DENR: variants seen among roughly 807,000 people sequenced by gnomAD.
The protein encoded by DENR is density regulated re-initiation and release factor, also known as density-regulated protein.
Under a neutral mutation model 30.6 loss-of-function variants are expected in DENR, and 6 were observed. That is an observed-to-expected ratio of 0.20 (90% CI 0.11 to 0.39). DENR has a LOEUF of 0.39. Ranked by LOEUF, DENR falls within the 10% of genes least tolerant of loss-of-function variation. DENR has a pLI of 1.00. For synonymous variants in DENR, 78 were observed against 72.1 expected (o/e 1.08, Z -0.41); for missense variants, 141 against 230.9 (o/e 0.61, Z 2.52).
At position 122,770,505 on chromosome 12, in the gene DENR, C is replaced by T; in HGVS notation, c.*1427C>T. 2.5e-6 allele frequency: 1 copy of T among 397,192 alleles called. No individual in the cohort carries two copies. The highest frequency in any genetic ancestry group is 4.4e-6 in the Non-Finnish European group (1 of 225,692). The allele number at this position is 397,192 out of a possible 1,614,324, so 24.6% of individuals were successfully genotyped here. On this transcript the variant is annotated 3_prime_UTR_variant, in exon 8 of 8. Transcript: ENST00000280557. Reference sequence around the variant, plus strand: ...TATAAATTATGTGAGTAAAATTGTGCTAACCAGTTAAAAGTACTGTACACC... The same window carrying T: ...TATAAATTATGTGAGTAAAATTGTGTTAACCAGTTAAAAGTACTGTACACC...
In DENR at chr12:122,769,026, T is replaced by C; in HGVS notation, c.553-8T>C. 1 of 1,609,666 alleles carries C rather than the reference T, an allele frequency of 6.2e-7. No homozygotes were observed. Among genetic ancestry groups the C allele is most frequent in the South Asian group, 1.1e-5 (1 of 89,726 alleles). ...AACTCATGAGATATAATTATTTGTG[T>C]TTTATAGGTAGATGATGACAGCATC... is the stretch of plus-strand genomic sequence containing the variant. On this transcript the variant is annotated splice_polypyrimidine_tract_variant and splice_region_variant and intron_variant, in intron 7 of 7. Transcript: ENST00000280557.
At chr12:122,767,202 G>T (rs911536747) in intron 5 of DENR, among the ~76,000 whole-genome samples, 3 of 152,116 alleles carry the variant, frequency 2.0e-5, no homozygotes, top group Non-Finnish European at 4.4e-5. Flanking sequence ...TCCTATTATT[G>T]TATGTATCAG....
intron 2 of DENR, among the ~76,000 whole-genome samples, chr12:122,761,403 C>G (rs1878695716): frequency 6.6e-6 from 1 of 151,608 alleles, no homozygotes; most frequent in Admixed American, 6.6e-5. Context: ...AAGAGCAAGA[C>G]TCTGTCTCAG....
At chr12:122,763,803 T>C (rs1264735731) in intron 4 of DENR, among the ~76,000 whole-genome samples, 4 of 152,264 alleles carry the variant, frequency 2.6e-5, no homozygotes, top group Non-Finnish European at 4.4e-5. Flanking sequence ...ATTCTGAGGA[T>C]AAGCCAATAA....
Position 122,768,786 on chromosome 12 carries a change from T to C in DENR, c.417T>C (p.Ile139=), listed in dbSNP as rs571873679. Residue 139 remains isoleucine (I), a synonymous_variant, in exon 7 of 8, where the codon ATT becomes ATC. Transcript: ENST00000280557. ...TRVCGLATFE[I]DLKEAQRFFA... is the part of the protein sequence containing the mutation. The stretch of plus-strand genomic sequence containing the variant: ...TTTCTTTTTTTAAAAAAATAGAAAT[T>C]GATCTTAAAGAAGCACAAAGATTTT... 11 of 1,553,760 alleles carry C rather than the reference T, an allele frequency of 7.1e-6. No individual in the cohort carries two copies. The highest frequency in any genetic ancestry group is 2.2e-4 in the Middle Eastern group (1 of 4,644).
chr12:122,756,381 G>A (rs924804355), intron 2 of DENR, among the ~76,000 whole-genome samples: 3 of 152,156 alleles, frequency 2.0e-5, no homozygotes, highest in Admixed American at 6.6e-5. Flanking sequence ...CCTGGGAGGC[G>A]GAGATTGCAG....
chr12:122,770,935 A>G lies in DENR; in HGVS notation c.*1857A>G, dbSNP rs932921052. 1.8e-5 allele frequency: 7 copies of G among 391,220 alleles called. No homozygotes were observed. The East Asian group carries it at 2.2e-4, about 12-fold the overall frequency. 24.2% of individuals were successfully genotyped at this position (391,220 alleles called of 1,614,324 possible). On this transcript the variant is annotated 3_prime_UTR_variant, in exon 8 of 8. Coordinates refer to ENST00000280557, the MANE Select transcript of DENR (RefSeq NM_003677.5). Reference sequence around the variant, plus strand: ...TGCTGAAAGATGTCTGTGTGCCTGTATCAACATGTGACTTCATGTAAAGTT... The same window carrying G: ...TGCTGAAAGATGTCTGTGTGCCTGTGTCAACATGTGACTTCATGTAAAGTT...
At chr12:122,765,121 C>T (rs1878812915) in intron 4 of DENR, among the ~76,000 whole-genome samples, 183 bp from the exon 5 acceptor site, 1 of 152,196 alleles carries the variant, frequency 6.6e-6, no homozygotes, top group South Asian at 2.1e-4. Context: ...CATACACTTA[C>T]TATAATGACT....
At chr12:122,760,894 ATCTT>A (rs1878681172) in intron 2 of DENR, among the ~76,000 whole-genome samples, 1 of 152,210 alleles carries the variant, frequency 6.6e-6, no homozygotes, top group African/African-American at 2.4e-5. Flanking sequence ...CACTTTCATG[ATCTT>A]ATGTAGCATA....
chr12:122,767,014 T>C (rs1024613421), intron 5 of DENR, among the ~76,000 whole-genome samples: 2 of 152,198 alleles, frequency 1.3e-5, no homozygotes, highest in Admixed American at 1.3e-4. Flanking sequence ...TCTGTACTTG[T>C]TCCCTTTCCC....
chr12:122,769,644 T>C lies in DENR; in HGVS notation c.*566T>C, dbSNP rs560433077. On this transcript the variant is annotated 3_prime_UTR_variant, in exon 8 of 8. Coordinates refer to ENST00000280557, the MANE Select transcript of DENR (RefSeq NM_003677.5). Reference sequence around the variant, plus strand: ...GCCTCAGCCTCCCAAGTAGGTGGGATTACAGGCGCCCGCCACCACGCCCAG... The same window carrying C: ...GCCTCAGCCTCCCAAGTAGGTGGGACTACAGGCGCCCGCCACCACGCCCAG... 4.0e-4 allele frequency: 88 copies of C among 220,768 alleles called. No homozygotes were observed. Among genetic ancestry groups the C allele is most frequent in the African/African-American group, 2.0e-3 (85 of 42,388 alleles). 13.7% of individuals were successfully genotyped at this position (220,768 alleles called of 1,614,324 possible).
chr12:122,754,320 GAA>G (rs1878492603), intron 2 of DENR: 1 of 158,332 alleles, frequency 6.3e-6, no homozygotes, highest in Non-Finnish European at 1.4e-5. Context: ...GGACAGTGAG[GAA>G]AGTCTTCTTG....
intron 5 of DENR, 115 bp downstream of exon 5, chr12:122,765,502 A>G (rs934092624): frequency 1.8e-5 from 16 of 866,172 alleles, no homozygotes; most frequent in Non-Finnish European, 2.9e-5. Flanking sequence ...CTATAGTCAC[A>G]GCTTCTTAGG....
chr12:122,768,706 T>C, intron 6 of DENR, 76 bp from the exon 7 acceptor site: 1 of 1,322,444 alleles, frequency 7.6e-7, no homozygotes, highest in Non-Finnish European at 1.0e-6. Context: ...AAAATGCAGA[T>C]TAAATTTCAA....
intron 2 of DENR, among the ~76,000 whole-genome samples, chr12:122,760,681 A>G (rs1878675408): frequency 6.6e-6 from 1 of 152,156 alleles, no homozygotes; most frequent in African/African-American, 2.4e-5. Flanking sequence ...CAGTGAGCCG[A>G]GATAGTGCTA....
intron 1 of DENR, 86 bp from the exon 2 acceptor site, chr12:122,753,607 T>A: frequency 1.0e-6 from 1 of 962,624 alleles, no homozygotes; most frequent in Non-Finnish European, 1.6e-6. Flanking sequence ...AGCTTTGGGG[T>A]GGGGAGGTTT....
intron 2 of DENR, among the ~76,000 whole-genome samples, chr12:122,757,472 A>G (rs1219423975): frequency 6.6e-6 from 1 of 152,220 alleles, no homozygotes; most frequent in Non-Finnish European, 1.5e-5. Flanking sequence ...AGAACTGAAA[A>G]AAGGGAAAGT....
chr12:122,762,593 T>G (rs1158023579), intron 3 of DENR, among the ~76,000 whole-genome samples: 6 of 152,252 alleles, frequency 3.9e-5, no homozygotes, highest in Non-Finnish European at 8.8e-5. Context: ...ATGAGGCACT[T>G]ATGTGCTCAA....
At chr12:122,766,288 T>C (rs1454427401) in intron 5 of DENR, among the ~76,000 whole-genome samples, 1 of 152,206 alleles carries the variant, frequency 6.6e-6, no homozygotes, top group Non-Finnish European at 1.5e-5. Flanking sequence ...CCCTCTTTCC[T>C]GAAACATTGT....
Sources: gnomAD v4.1 joint callset for allele counts (sites outside exome capture counted in the v4.1 genomes callset) on GRCh38, gnomAD v4.1.1 for gene constraint, MANE v1.5 for transcripts, NCBI Gene and HGNC (gene_info 2026-07-23, HGNC 2026-07-21) for gene names.